The following TBC1D5 variants were observed in gnomAD, a reference collection of about 807,000 sequenced individuals.
TBC1D5 encodes TBC1 domain family, member 5.
Under a neutral mutation model 100.3 loss-of-function variants are expected in TBC1D5, and 75 were observed. That is an observed-to-expected ratio of 0.75 (90% CI 0.62 to 0.91). The LOEUF (loss-of-function observed/expected upper bound fraction) is 0.91. TBC1D5 is among the 40% of genes least tolerant of loss of function. The probability of loss-of-function intolerance (pLI) is 0.00; values close to 1 mark genes in which losing one functional copy is unlikely to be tolerated. For synonymous variants in TBC1D5, 323 were observed against 325.6 expected (o/e 0.99, Z 0.09); for missense variants, 910 against 942.4 (o/e 0.97, Z 0.45).
chr3:17,719,119 G>A (rs1248132889), intron 1 of TBC1D5, among the ~76,000 whole-genome samples: 1 of 151,984 alleles, frequency 6.6e-6, no homozygotes, highest in Non-Finnish European at 1.5e-5. Context: ...ATAATTTATA[G>A]TTTCTTAAAT....
At chr3:17,217,431 T>C (rs1168282090) in intron 17 of TBC1D5, among the ~76,000 whole-genome samples, 31 of 152,124 alleles carry the variant, frequency 2.0e-4, no homozygotes, top group Admixed American at 2.0e-3. Context: ...AACTCTGCAT[T>C]TAACATTTCG....
At chr3:17,703,196 A>G (rs1382986926) in intron 1 of TBC1D5, among the ~76,000 whole-genome samples, 2 of 152,138 alleles carry the variant, frequency 1.3e-5, no homozygotes, top group East Asian at 3.8e-4. Flanking sequence ...AAGAAAAAGA[A>G]AAATATTCCA....
chr3:17,650,513 G>T (rs1038766307), intron 1 of TBC1D5, among the ~76,000 whole-genome samples: 1 of 151,962 alleles, frequency 6.6e-6, no homozygotes, highest in African/African-American at 2.4e-5. Context: ...AATGGGTAAA[G>T]ATTTTTATTT....
At chr3:17,205,109 A>C (rs1337770032) in intron 18 of TBC1D5, among the ~76,000 whole-genome samples, 2 of 152,234 alleles carry the variant, frequency 1.3e-5, no homozygotes, top group Non-Finnish European at 2.9e-5. Flanking sequence ...CTGATGTTTA[A>C]ATTCATTTTA....
intron 1 of TBC1D5, among the ~76,000 whole-genome samples, chr3:17,690,204 A>ATTTTTTTTTTTTTTTTTTTTTT (rs1199260338): frequency 2.1e-5 from 1 of 47,030 alleles, no homozygotes; most frequent in Non-Finnish European, 4.0e-5. Context: ...AAATAGCCAT[A>ATTTTTTTTTTTTTTTTTTTTTT]TTTTTTTTTT....
intron 3 of TBC1D5, among the ~76,000 whole-genome samples, chr3:17,463,598 T>A (rs1169211597): frequency 2.6e-5 from 4 of 152,180 alleles, no homozygotes; most frequent in Non-Finnish European, 5.9e-5. Context: ...TATAATATTT[T>A]AAAAAACTGA....
exon 13 of TBC1D5, chr3:17,372,197 T>C: frequency 6.2e-7 from 1 of 1,613,708 alleles, no homozygotes; most frequent in Middle Eastern, 1.7e-4. Flanking sequence ...TTGTTGGCCC[T>C]AAATCTTGTG....
At chr3:17,366,069 C>A in intron 13 of TBC1D5, among the ~76,000 whole-genome samples, 1 of 152,102 alleles carries the variant, frequency 6.6e-6, no homozygotes, top group East Asian at 1.9e-4. Flanking sequence ...GCAGGCAGAT[C>A]ACCTGAGCTT....
intron 13 of TBC1D5, among the ~76,000 whole-genome samples, chr3:17,308,568 AT>A (rs2083645477): frequency 6.6e-6 from 1 of 152,160 alleles, no homozygotes; most frequent in South Asian, 2.1e-4. Flanking sequence ...GACAAATCCA[AT>A]AGAAACTTAG....
intron 1 of TBC1D5, among the ~76,000 whole-genome samples, chr3:17,723,775 T>C (rs1040459703): frequency 3.3e-5 from 5 of 152,196 alleles, no homozygotes; most frequent in Non-Finnish European, 5.9e-5. Flanking sequence ...GTTTATATTG[T>C]CGGTGGGGCT....
At chr3:17,726,824 AG>A (rs1450653723) in intron 1 of TBC1D5, among the ~76,000 whole-genome samples, 1 of 152,210 alleles carries the variant, frequency 6.6e-6, no homozygotes, top group Non-Finnish European at 1.5e-5. Context: ...CTATTTCAAA[AG>A]GTTTCATATT....
At chr3:17,660,350 A>G (rs896294001) in intron 1 of TBC1D5, among the ~76,000 whole-genome samples, 1 of 152,176 alleles carries the variant, frequency 6.6e-6, no homozygotes, top group Non-Finnish European at 1.5e-5. Flanking sequence ...TTCCCCTCCC[A>G]TAACTCAGGA....
exon 22 of TBC1D5, chr3:17,157,747 C>G (rs1048714395): frequency 1.3e-5 from 2 of 152,296 alleles, no homozygotes; most frequent in Admixed American, 6.5e-5. Flanking sequence ...TGCATCAACT[C>G]TGACTCACAG....
intron 1 of TBC1D5, among the ~76,000 whole-genome samples, chr3:17,727,680 GAATA>G (rs1317466952): frequency 2.0e-5 from 3 of 152,128 alleles, no homozygotes; most frequent in Non-Finnish European, 4.4e-5. Context: ...GAAGCTAAGA[GAATA>G]AACAAAGGAA....
At chr3:17,310,903 C>A (rs1199427553) in intron 13 of TBC1D5, among the ~76,000 whole-genome samples, 2 of 151,940 alleles carry the variant, frequency 1.3e-5, no homozygotes, top group Admixed American at 6.6e-5. Flanking sequence ...TTGGGACCAA[C>A]GATGACCTTA....
At chr3:17,239,130 A>G (rs573155330) in intron 16 of TBC1D5, among the ~76,000 whole-genome samples, 1 of 152,222 alleles carries the variant, frequency 6.6e-6, no homozygotes, top group South Asian at 2.1e-4. Context: ...TACAAGTTTC[A>G]TGAGGGCAAG....
intron 16 of TBC1D5, among the ~76,000 whole-genome samples, chr3:17,244,449 C>T (rs1409762271): frequency 6.6e-6 from 1 of 152,196 alleles, no homozygotes; most frequent in African/African-American, 2.4e-5. Context: ...GTTTCACCTT[C>T]AGTTTCCATT....
intron 9 of TBC1D5, 143 bp from the exon 10 acceptor site, chr3:17,376,756 G>A: frequency 3.6e-6 from 2 of 549,160 alleles, no homozygotes; most frequent in Non-Finnish European, 6.2e-6. Context: ...AAAACGGAAA[G>A]CTACAAGATG....
At chr3:17,308,763 C>T (rs76569046) in intron 13 of TBC1D5, among the ~76,000 whole-genome samples, 2,732 of 152,042 alleles carry the variant, frequency 0.018, 81 homozygotes, top group African/African-American at 0.062. Context: ...GGCTACCTTT[C>T]GAGGAGTGTT....
Sources: gnomAD v4.1 joint callset for allele counts (sites outside exome capture counted in the v4.1 genomes callset) on GRCh38, gnomAD v4.1.1 for gene constraint, MANE v1.5 for transcripts, NCBI Gene and HGNC (gene_info 2026-07-23, HGNC 2026-07-21) for gene names.